Variants in YY1 observed in about 807,000 individuals in gnomAD.
The protein encoded by YY1 is YY1 transcription factor, also known as transcriptional repressor protein YY1.
In YY1, 2 loss-of-function variants were observed where a neutral mutation model predicts 35.6. That is an observed-to-expected ratio of 0.06 (90% confidence interval 0.02 to 0.18). The LOEUF (loss-of-function observed/expected upper bound fraction) is 0.18. Among genes scored for constraint, YY1 ranks in the 10% least tolerant of loss-of-function variants. YY1 has a pLI of 1.00. For missense variants in YY1, 322 were observed against 573.4 expected, an observed-to-expected ratio of 0.56 and a Z score of 4.48; for synonymous variants, 268 against 238.9, an observed-to-expected ratio of 1.12 and a Z score of -1.12.
At chr14:100,244,102 C>T (rs1170314947) in intron 1 of YY1, among the ~76,000 whole-genome samples, 3 of 147,150 alleles carry the variant, frequency 2.0e-5, no homozygotes, top group Middle Eastern at 3.4e-3. Flanking sequence ...AGCAAGACTC[C>T]GTCTCCAAAA....
At chr14:100,270,153 C>T (rs1891214099) in intron 2 of YY1, among the ~76,000 whole-genome samples, 1 of 149,404 alleles carries the variant, frequency 6.7e-6, no homozygotes, top group South Asian at 2.1e-4. Context: ...GTCCCAGCTA[C>T]TCAGGAGGCT....
chr14:100,255,368 C>T (rs1042995194), intron 1 of YY1, among the ~76,000 whole-genome samples: 2 of 152,024 alleles, frequency 1.3e-5, no homozygotes, highest in Non-Finnish European at 2.9e-5. Flanking sequence ...CCTGTAATCC[C>T]AGCAGTTTGG....
At chr14:100,242,038 A>G (rs924922792) in intron 1 of YY1, among the ~76,000 whole-genome samples, 2 of 144,776 alleles carry the variant, frequency 1.4e-5, no homozygotes, top group African/African-American at 2.5e-5. Context: ...GGTTTTAGTT[A>G]TTGATGAATT....
chr14:100,243,002 G>A (rs1353091697), intron 1 of YY1, among the ~76,000 whole-genome samples: 2 of 152,186 alleles, frequency 1.3e-5, no homozygotes, highest in Non-Finnish European at 1.5e-5. Context: ...TTTGATGGCA[G>A]TAACATAGGA....
intron 2 of YY1, among the ~76,000 whole-genome samples, chr14:100,266,840 G>C (rs1029015667): frequency 7.9e-5 from 12 of 152,128 alleles, no homozygotes; most frequent in African/African-American, 2.9e-4. Flanking sequence ...CAGATACAAG[G>C]TCAAGAGATG....
intron 1 of YY1, among the ~76,000 whole-genome samples, chr14:100,243,078 A>G (rs941396139): frequency 6.6e-6 from 1 of 152,202 alleles, no homozygotes; most frequent in African/African-American, 2.4e-5. Flanking sequence ...GTGATTTGGA[A>G]TTATTACTAA....
intron 1 of YY1, among the ~76,000 whole-genome samples, chr14:100,244,630 T>A (rs1403888770): frequency 1.4e-5 from 2 of 145,090 alleles, no homozygotes; most frequent in Admixed American, 6.9e-5. Flanking sequence ...TCACCCAGGC[T>A]AGAGTGCAGT....
At chr14:100,245,005 C>T (rs947562042) in intron 1 of YY1, among the ~76,000 whole-genome samples, 6 of 151,984 alleles carry the variant, frequency 3.9e-5, no homozygotes, top group South Asian at 2.1e-4. Context: ...GGCACGATCT[C>T]GGCTCACTGC....
intron 1 of YY1, among the ~76,000 whole-genome samples, chr14:100,255,595 G>T (rs575683908): frequency 6.6e-6 from 1 of 152,256 alleles, no homozygotes; most frequent in East Asian, 1.9e-4. Flanking sequence ...CTCCAACCTG[G>T]GGGGGACAGA....
chr14:100,272,983 C>T (rs1891267110), intron 2 of YY1, among the ~76,000 whole-genome samples: 1 of 121,724 alleles, frequency 8.2e-6, no homozygotes. Flanking sequence ...TTTTTTGAGA[C>T]GGTATTTCCT....
At chr14:100,255,790 A>G (rs753845512) in intron 1 of YY1, among the ~76,000 whole-genome samples, 2 of 152,168 alleles carry the variant, frequency 1.3e-5, no homozygotes, top group African/African-American at 2.4e-5. Context: ...TTGATACGTC[A>G]CTGAGTACAG....
Position 100,270,759 on chromosome 14 carries a change from T to C in YY1, c.843-3939T>C, listed in dbSNP as rs1039922735. Among the ~76,000 whole-genome samples the C allele has an allele frequency of 3.3e-5, 5 of 152,318 alleles. No homozygotes were observed. In the East Asian group the frequency reaches 7.7e-4, roughly 23 times the overall value. ...TTCTGTGAATTTGGACAAACAGTCA[T>C]GTAGCCATCTTCACACTCAACACAG... On this transcript the variant is annotated intron_variant, in intron 2 of 4. Coordinates refer to ENST00000262238, the MANE Select transcript of YY1 (RefSeq NM_003403.5).
intron 1 of YY1, among the ~76,000 whole-genome samples, chr14:100,247,359 G>A (rs1483169796): frequency 6.6e-6 from 1 of 151,390 alleles, no homozygotes; most frequent in Non-Finnish European, 1.5e-5. Flanking sequence ...GGAAGAGTAA[G>A]CAAAAATGAA....
intron 1 of YY1, among the ~76,000 whole-genome samples, chr14:100,257,348 C>G (rs1891019392): frequency 1.3e-5 from 2 of 152,270 alleles, no homozygotes; most frequent in South Asian, 4.1e-4. Flanking sequence ...ATGTGTAGAA[C>G]TAATGATAAT....
chr14:100,266,414 G>C (rs1001261420), intron 2 of YY1, among the ~76,000 whole-genome samples: 1 of 152,200 alleles, frequency 6.6e-6, no homozygotes, highest in Non-Finnish European at 1.5e-5. Flanking sequence ...GTTTTGAAGA[G>C]AGAGGGAATC....
At chr14:100,270,376 C>T (rs929148518) in intron 2 of YY1, among the ~76,000 whole-genome samples, 10 of 149,332 alleles carry the variant, frequency 6.7e-5, no homozygotes, top group African/African-American at 2.0e-4. Context: ...TTTGGGAGGC[C>T]GAGGTAGGTG....
At chr14:100,268,832 T>C (rs1308935481) in intron 2 of YY1, among the ~76,000 whole-genome samples, 1 of 152,232 alleles carries the variant, frequency 6.6e-6, no homozygotes, top group Non-Finnish European at 1.5e-5. Context: ...CAGCTAACCT[T>C]GTTTTGTATG....
At position 100,239,576 on chromosome 14, in the gene YY1, A is replaced by T. The variant is rs1340924267; in HGVS notation, c.332A>T (p.Glu111Val). 6.2e-7 allele frequency: 1 copy of T among 1,612,250 alleles called. No individual in the cohort carries two copies. Residue 111 changes from glutamate (E) to valine (V), a missense_variant, in exon 1 of 5, where the codon GAG becomes GTG. This residue lies in a region of YY1 where 137 missense variants were observed against 167.0 expected (regional missense o/e 0.82). Coordinates refer to ENST00000262238, the MANE Select transcript of YY1 (RefSeq NM_003403.5). ...QEVILVQTREEVVGGDDSDGL... is the reference protein window; with the variant it reads ...QEVILVQTREVVVGGDDSDGL... ...GTGATCCTGGTGCAGACGCGCGAGG[A>T]GGTGGTGGGCGGCGACGACTCGGAC...
intron 1 of YY1, among the ~76,000 whole-genome samples, chr14:100,240,557 C>G (rs1890721323): frequency 6.6e-6 from 1 of 152,154 alleles, no homozygotes. Flanking sequence ...TTGCTCCCCG[C>G]CCACCCAGCG....
Sources: gnomAD v4.1 joint callset for allele counts (sites outside exome capture counted in the v4.1 genomes callset) on GRCh38, gnomAD v4.1.1 for gene constraint, gnomAD v4.1.1 regional missense constraint, MANE v1.5 for transcripts, NCBI Gene and HGNC (gene_info 2026-07-23, HGNC 2026-07-21) for gene names.